PLEKHH2: variants seen among roughly 807,000 people sequenced by gnomAD.
PLEKHH2 encodes the protein pleckstrin homology domain-containing family H member 2.
Under a neutral mutation model 187.9 loss-of-function variants are expected in PLEKHH2, and 129 were observed. The observed-to-expected ratio is 0.69, with a 90% CI of 0.59 to 0.79. PLEKHH2 has a LOEUF of 0.79. PLEKHH2 is among the 30% of genes least tolerant of loss of function. PLEKHH2 has a pLI of 0.00. For missense variants in PLEKHH2, 2,076 were observed against 1,751.2 expected (o/e 1.19, Z -3.31); for synonymous variants, 686 against 605.6 (o/e 1.13, Z -1.95).
chr2:43,660,509 T>C (rs573100992), intron 2 of PLEKHH2, among the ~76,000 whole-genome samples: 1 of 145,234 alleles, frequency 6.9e-6, no homozygotes, highest in East Asian at 2.0e-4. Context: ...AGGGTACATG[T>C]GCACATTGTG....
intron 17 of PLEKHH2, 136 bp from the exon 18 acceptor site, chr2:43,729,501 G>T: frequency 1.9e-6 from 1 of 528,852 alleles, no homozygotes; most frequent in Non-Finnish European, 3.2e-6. Context: ...TGAATAAATG[G>T]CTTTTCATTA....
chr2:43,760,303 T>C (rs1672370468), intron 27 of PLEKHH2, among the ~76,000 whole-genome samples: 1 of 151,972 alleles, frequency 6.6e-6, no homozygotes, highest in Admixed American at 6.6e-5. Flanking sequence ...TGTTGCTTCA[T>C]GGCATCCTGT....
chr2:43,693,627 C>G (rs111339772), intron 4 of PLEKHH2, among the ~76,000 whole-genome samples: 3 of 146,958 alleles, frequency 2.0e-5, no homozygotes, highest in Non-Finnish European at 3.0e-5. Flanking sequence ...GGGAGGCTGA[C>G]GCAGGAGAGC....
At chr2:43,690,706 G>C (rs905004120) in intron 3 of PLEKHH2, among the ~76,000 whole-genome samples, 1 of 151,938 alleles carries the variant, frequency 6.6e-6, no homozygotes, top group East Asian at 1.9e-4. Flanking sequence ...TTACCTATTT[G>C]GAGTATGTAG....
intron 24 of PLEKHH2, among the ~76,000 whole-genome samples, chr2:43,751,840 A>T (rs1572661596): frequency 6.6e-6 from 1 of 150,884 alleles, no homozygotes. Context: ...TTCTCCCCAA[A>T]TCCCTGGATA....
intron 2 of PLEKHH2, among the ~76,000 whole-genome samples, chr2:43,659,180 C>A (rs537748449): frequency 6.9e-6 from 1 of 144,258 alleles, no homozygotes; most frequent in Non-Finnish European, 1.5e-5. Context: ...TTGGTAGAAG[C>A]GAGGTTTTTG....
At chr2:43,735,618 T>G (rs76710528) in intron 19 of PLEKHH2, among the ~76,000 whole-genome samples, 1 of 152,108 alleles carries the variant, frequency 6.6e-6, no homozygotes, top group Non-Finnish European at 1.5e-5. Flanking sequence ...ATGTTAGAGG[T>G]AGTGGGTATC....
At chr2:43,685,905 G>A (rs891663737) in intron 3 of PLEKHH2, among the ~76,000 whole-genome samples, 4 of 152,136 alleles carry the variant, frequency 2.6e-5, no homozygotes, top group Non-Finnish European at 5.9e-5. Flanking sequence ...TAATTAGGTG[G>A]ATACCTTAAT....
chr2:43,649,011 G>A (rs1368204694), intron 2 of PLEKHH2, among the ~76,000 whole-genome samples: 1 of 152,168 alleles, frequency 6.6e-6, no homozygotes, highest in East Asian at 1.9e-4. Flanking sequence ...TGGAGATGAA[G>A]TTGGATAATA....
At chr2:43,722,526 C>T (rs2104549735) in intron 16 of PLEKHH2, among the ~76,000 whole-genome samples, 1 of 152,188 alleles carries the variant, frequency 6.6e-6, no homozygotes, top group East Asian at 1.9e-4. Flanking sequence ...ACTCTTCTAC[C>T]CTCTCCTTCT....
chr2:43,676,370 C>A, intron 2 of PLEKHH2: 1 of 1,484,870 alleles, frequency 6.7e-7, no homozygotes, highest in South Asian at 1.3e-5. Context: ...AGCCTGGGAC[C>A]GGGTCCTGGG....
At chr2:43,726,194 A>G in intron 16 of PLEKHH2, 78 bp from the exon 17 acceptor site, 1 of 978,830 alleles carries the variant, frequency 1.0e-6, no homozygotes, top group Non-Finnish European at 1.5e-6. Context: ...AAATTTAAAA[A>G]TGAAAAGGAC....
rs1041929696 is a variant in PLEKHH2, at chr2:43,734,257, T to C, written c.2943+2655T>C. On this transcript the variant is annotated intron_variant, in intron 19 of 29. Coordinates refer to ENST00000282406, the MANE Select transcript of PLEKHH2 (RefSeq NM_172069.4). ...CTAACTTTGGATTATTTTGAAGCAA[T>C]CCTCAGTCATTATATCACTATATTC... is the stretch of plus-strand genomic sequence containing the variant. 2.0e-5 allele frequency among the ~76,000 whole-genome samples: 3 copies of C among 152,296 alleles called. No homozygotes were observed. In the South Asian group the frequency reaches 6.2e-4, roughly 32 times the overall value.
At chr2:43,748,631 G>T (rs967022140) in intron 24 of PLEKHH2, among the ~76,000 whole-genome samples, 1 of 152,228 alleles carries the variant, frequency 6.6e-6, no homozygotes, top group African/African-American at 2.4e-5. Context: ...TACACGTGCT[G>T]GGTTTTGAGA....
intron 1 of PLEKHH2, among the ~76,000 whole-genome samples, chr2:43,642,950 G>A (rs758843615): frequency 2.0e-5 from 3 of 151,990 alleles, no homozygotes; most frequent in Non-Finnish European, 2.9e-5. Flanking sequence ...ACATTTCTGC[G>A]GAATGATATG....
intron 8 of PLEKHH2, among the ~76,000 whole-genome samples, chr2:43,702,687 A>G (rs1669440568): frequency 6.6e-6 from 1 of 152,108 alleles, no homozygotes; most frequent in African/African-American, 2.4e-5. Flanking sequence ...TTTCAAGGAA[A>G]AGAGATGTAT....
chr2:43,669,718 T>C (rs552139813), intron 2 of PLEKHH2, among the ~76,000 whole-genome samples: 2 of 152,144 alleles, frequency 1.3e-5, no homozygotes, highest in Non-Finnish European at 2.9e-5. Flanking sequence ...AACTTTTTTT[T>C]TTTTTGAGAC....
chr2:43,680,995 G>C, intron 3 of PLEKHH2: 1 of 1,225,854 alleles, frequency 8.2e-7, no homozygotes, highest in Non-Finnish European at 1.1e-6. Flanking sequence ...TTGTTCATAT[G>C]CCAACTGGAA....
intron 14 of PLEKHH2, chr2:43,711,926 TA>T: frequency 4.7e-6 from 5 of 1,059,330 alleles, no homozygotes; most frequent in Non-Finnish European, 5.8e-6. Context: ...TAGGAACCTG[TA>T]ACACATTTAA....
Sources: gnomAD v4.1 joint callset for allele counts (sites outside exome capture counted in the v4.1 genomes callset) on GRCh38, gnomAD v4.1.1 for gene constraint, MANE v1.5 for transcripts, NCBI Gene and HGNC (gene_info 2026-07-23, HGNC 2026-07-21) for gene names.